KCNAB1: variants seen among roughly 807,000 people sequenced by gnomAD.
KCNAB1 encodes voltage-gated potassium channel subunit beta-1.
A neutral mutation model predicts 64.6 loss-of-function variants in KCNAB1; 35 were observed. The observed-to-expected ratio is 0.54, with a 90% CI of 0.41 to 0.72. The LOEUF is 0.72. Among genes scored for constraint, KCNAB1 ranks in the 30% least tolerant of loss-of-function variants. KCNAB1 has a pLI of 0.00. For synonymous variants in KCNAB1, 177 were observed against 183.8 expected (o/e 0.96, Z 0.30); for missense variants, 401 against 512.9 (o/e 0.78, Z 2.11).
chr3:156,452,181 T>C lies in KCNAB1; in HGVS notation c.320-718T>C, dbSNP rs950334718. On this transcript the variant is annotated intron_variant, in intron 2 of 13. Coordinates refer to ENST00000490337, the MANE Select transcript of KCNAB1 (RefSeq NM_172160.3). The surrounding 1 kb of genome is among the most constrained non-coding windows in gnomAD (Gnocchi z 4.6). ...ATCCATAAAGGATGGAATGAATAAA[T>C]GAGGTGCCTGGAGACCAGCATAGCA... 6.6e-6 allele frequency among the ~76,000 whole-genome samples: 1 copy of C among 152,190 alleles called. No individual in the cohort carries two copies. The highest frequency in any genetic ancestry group is 2.4e-5 in the African/African-American group (1 of 41,448).
chr3:156,491,722 A>G (rs1715644335), intron 8 of KCNAB1, among the ~76,000 whole-genome samples: 1 of 151,970 alleles, frequency 6.6e-6, no homozygotes, highest in South Asian at 2.1e-4. Context: ...ATTTTCTTAT[A>G]TTGCCTTTAT....
chr3:156,495,371 A>G (rs1261448855), intron 8 of KCNAB1, among the ~76,000 whole-genome samples: 2 of 152,192 alleles, frequency 1.3e-5, no homozygotes, highest in Non-Finnish European at 2.9e-5. Flanking sequence ...CAGCAATCCC[A>G]TTACTGGGTA....
intron 8 of KCNAB1, among the ~76,000 whole-genome samples, chr3:156,491,221 G>A (rs1715606978): frequency 6.6e-6 from 1 of 152,066 alleles, no homozygotes; most frequent in South Asian, 2.1e-4. Context: ...TTAAAGGGAG[G>A]AGAAGAATTT....
At chr3:156,254,827 G>A (rs1718013492) in intron 1 of KCNAB1, among the ~76,000 whole-genome samples, 1 of 152,178 alleles carries the variant, frequency 6.6e-6, no homozygotes, top group Admixed American at 6.5e-5. Flanking sequence ...CCAGTCTTCT[G>A]TAACATCAAA....
rs575382662 is a variant in KCNAB1 at position 156,194,707 on chromosome 3, T to C, written c.275+73821T>C. ...AGTTTTCAGGGATTTTAATTATACA[T>C]ATATTAAGCTACTTGAATTATCCAA... On this transcript the variant is annotated intron_variant, in intron 1 of 13. Coordinates refer to ENST00000490337, the MANE Select transcript of KCNAB1 (RefSeq NM_172160.3). 1.9e-3 allele frequency among the ~76,000 whole-genome samples: 297 copies of C among 152,336 alleles called. 2 individuals carry two copies. Among genetic ancestry groups the C allele is most frequent in the African/African-American group, 6.7e-3 (279 of 41,586 alleles).
chr3:156,341,662 A>G (rs1724124115), intron 1 of KCNAB1, among the ~76,000 whole-genome samples: 1 of 152,218 alleles, frequency 6.6e-6, no homozygotes, highest in Non-Finnish European at 1.5e-5. Flanking sequence ...ATTCTGCTAC[A>G]TAGAAATATA....
intron 7 of KCNAB1, among the ~76,000 whole-genome samples, chr3:156,468,235 A>C (rs1192535098): frequency 2.0e-5 from 3 of 152,196 alleles, no homozygotes; most frequent in Non-Finnish European, 2.9e-5. Context: ...AATAGAAAAA[A>C]AATAGTTTCA....
chr3:156,196,350 T>G (rs1004829845), intron 1 of KCNAB1, among the ~76,000 whole-genome samples: 16 of 152,212 alleles, frequency 1.1e-4, no homozygotes, highest in Admixed American at 7.2e-4. Flanking sequence ...GTGAAGAAAG[T>G]CCATGGTAGC....
At chr3:156,196,184 C>A (rs2108368923) in intron 1 of KCNAB1, among the ~76,000 whole-genome samples, 1 of 152,176 alleles carries the variant, frequency 6.6e-6, no homozygotes, top group East Asian at 1.9e-4. Context: ...GTTTTGGTAC[C>A]ATTACCATGC....
intron 8 of KCNAB1, among the ~76,000 whole-genome samples, chr3:156,513,909 T>G (rs542039942): frequency 6.6e-6 from 1 of 152,320 alleles, no homozygotes; most frequent in African/African-American, 2.4e-5. Context: ...CTGTGTGAGG[T>G]CCAGCTCTGC....
chr3:156,257,780 G>T (rs1267408923), intron 1 of KCNAB1, among the ~76,000 whole-genome samples: 1 of 152,170 alleles, frequency 6.6e-6, no homozygotes, highest in Non-Finnish European at 1.5e-5. Context: ...TGACTGGCTG[G>T]TGCAGTCTCA....
intron 7 of KCNAB1, 68 bp from the exon 8 acceptor site, chr3:156,474,666 A>G: frequency 8.7e-7 from 1 of 1,151,168 alleles, no homozygotes; most frequent in South Asian, 1.3e-5. Context: ...CTTGAAAGAA[A>G]CCAAACTTCA....
chr3:156,168,746 T>C (rs923462754), intron 1 of KCNAB1, among the ~76,000 whole-genome samples: 1 of 152,250 alleles, frequency 6.6e-6, no homozygotes, highest in African/African-American at 2.4e-5. Flanking sequence ...CGAGATGTTT[T>C]CTTTTTAGGA....
At chr3:156,509,865 G>A (rs1038224563) in intron 8 of KCNAB1, among the ~76,000 whole-genome samples, 1 of 152,196 alleles carries the variant, frequency 6.6e-6, no homozygotes, top group Admixed American at 6.5e-5. Context: ...GTATCTAGAA[G>A]ACAGTTGATT....
At chr3:156,124,081 G>GCTT (rs1713504502) in intron 1 of KCNAB1, among the ~76,000 whole-genome samples, 3 of 151,612 alleles carry the variant, frequency 2.0e-5, no homozygotes, top group Non-Finnish European at 2.9e-5. Flanking sequence ...TATATCTTAT[G>GCTT]ACCATAATAT....
intron 1 of KCNAB1, among the ~76,000 whole-genome samples, chr3:156,183,982 A>G (rs1713031182): frequency 6.6e-6 from 1 of 152,198 alleles, no homozygotes; most frequent in African/African-American, 2.4e-5. Flanking sequence ...GATAATAATT[A>G]TACCTACCTC....
intron 1 of KCNAB1, among the ~76,000 whole-genome samples, chr3:156,357,159 G>GCGCACACACACACACACACACACA (rs545909634): frequency 5.4e-4 from 79 of 147,402 alleles, no homozygotes; most frequent in African/African-American, 1.9e-3. Flanking sequence ...ACATGTGCGC[G>GCGCACACACACACACACACACACA]CACACACACA....
At chr3:156,445,636 C>A (rs1717357458) in intron 2 of KCNAB1, among the ~76,000 whole-genome samples, 1 of 152,210 alleles carries the variant, frequency 6.6e-6, no homozygotes, top group Non-Finnish European at 1.5e-5. Flanking sequence ...ACTGATTGAA[C>A]AAGCAATTAT....
At chr3:156,266,473 C>A (rs1676831326) in intron 1 of KCNAB1, among the ~76,000 whole-genome samples, 2 of 152,206 alleles carry the variant, frequency 1.3e-5, no homozygotes, top group African/African-American at 2.4e-5. Flanking sequence ...CCTCTCTGCA[C>A]AGCTGTGTGA....
Sources: gnomAD v4.1 joint callset for allele counts (sites outside exome capture counted in the v4.1 genomes callset) on GRCh38, gnomAD v4.1.1 for gene constraint, Gnocchi (gnomAD v3.1) non-coding constraint, MANE v1.5 for transcripts, NCBI Gene and HGNC (gene_info 2026-07-23, HGNC 2026-07-21) for gene names.